Variants in FXYD5 observed in about 807,000 individuals in gnomAD.
FXYD5 encodes the protein FXYD domain containing ion transport regulator 5.
FXYD5 carries 21 observed loss-of-function variants against 25.7 expected under a neutral mutation model. The ratio of observed to expected loss-of-function variants is 0.82; its 90% CI spans 0.58 to 1.18. FXYD5 has a LOEUF of 1.18. FXYD5 is among the 50% of genes most tolerant of loss of function. The pLI, the probability that FXYD5 is intolerant of heterozygous loss-of-function variation, is 0.00. For synonymous variants in FXYD5, 101 were observed against 90.7 expected (o/e 1.11, Z -0.64); for missense variants, 229 against 227.7 (o/e 1.01, Z -0.04).
chr19:35,169,525 A>G, intron 8 of FXYD5, 41 bp from the exon 9 acceptor site: 2 of 1,470,734 alleles, frequency 1.4e-6, no homozygotes, highest in Non-Finnish European at 1.9e-6. Context: ...AAGAATCAAT[A>G]TCACTCTAGC....
At chr19:35,157,610 A>G (rs1383341368) in intron 3 of FXYD5, 109 bp downstream of exon 3, 1 of 646,048 alleles carries the variant, frequency 1.5e-6, no homozygotes, top group Non-Finnish European at 2.8e-6. Flanking sequence ...TGTAACGAAA[A>G]AGTCCAGGTA....
intron 7 of FXYD5, 22 bp from the exon 8 acceptor site, chr19:35,166,229 C>G: frequency 6.2e-7 from 1 of 1,609,394 alleles, no homozygotes; most frequent in South Asian, 1.1e-5. Flanking sequence ...CTGACTCTAC[C>G]CCTTCATTTT....
At chr19:35,166,047 G>A (rs375323030) in intron 6 of FXYD5, 95 bp from the exon 7 acceptor site, 1 of 1,153,874 alleles carries the variant, frequency 8.7e-7, no homozygotes. Context: ...TGTTCTAAGG[G>A]TACCCAGGTA....
At chr19:35,167,702 T>C (rs1248252965) in intron 8 of FXYD5, among the ~76,000 whole-genome samples, 1 of 152,240 alleles carries the variant, frequency 6.6e-6, no homozygotes, top group Non-Finnish European at 1.5e-5. Flanking sequence ...CATCTTTTTT[T>C]GCCTTAAGGG....
At chr19:35,161,654 A>G (rs1024911165) in intron 5 of FXYD5, among the ~76,000 whole-genome samples, 7 of 152,234 alleles carry the variant, frequency 4.6e-5, no homozygotes, top group Non-Finnish European at 1.0e-4. Flanking sequence ...ACCAAGAGTC[A>G]GGGAAGAGGG....
chr19:35,166,524 CAT>C (rs2145429320), intron 8 of FXYD5, 199 bp downstream of exon 8: 1 of 491,092 alleles, frequency 2.0e-6, no homozygotes, highest in South Asian at 3.8e-5. Flanking sequence ...AGTTTGGAAA[CAT>C]AGGCTGGGCT....
chr19:35,163,988 T>C, intron 5 of FXYD5, 168 bp from the exon 6 acceptor site: 1 of 1,481,650 alleles, frequency 6.7e-7, no homozygotes, highest in East Asian at 2.5e-5. Context: ...TCAATGCCTG[T>C]CATTACTTAT....
At chr19:35,166,495 A>G in intron 8 of FXYD5, 170 bp downstream of exon 8, 1 of 546,544 alleles carries the variant, frequency 1.8e-6, no homozygotes, top group Admixed American at 3.5e-5. Flanking sequence ...ATGACCATTT[A>G]TTGAGCTCTC....
chr19:35,159,241 T>C (rs1298429911), intron 4 of FXYD5, among the ~76,000 whole-genome samples: 5 of 152,148 alleles, frequency 3.3e-5, no homozygotes, highest in Non-Finnish European at 7.4e-5. Flanking sequence ...CTAAACCCCT[T>C]TGTCACCTCC....
intron 2 of FXYD5, among the ~76,000 whole-genome samples, chr19:35,157,131 G>T (rs1419474821): frequency 1.3e-5 from 2 of 152,204 alleles, no homozygotes; most frequent in African/African-American, 2.4e-5. Context: ...CAAGAAAGTT[G>T]TTGGGGGCAG....
intron 5 of FXYD5, 59 bp downstream of exon 5, chr19:35,160,860 C>A: frequency 1.0e-6 from 1 of 992,416 alleles, no homozygotes; most frequent in South Asian, 1.3e-5. Flanking sequence ...CTATCTAGGT[C>A]AACATTTCCC....
intron 5 of FXYD5, chr19:35,163,953 G>C: frequency 1.4e-6 from 2 of 1,448,808 alleles, no homozygotes; most frequent in Non-Finnish European, 1.8e-6. Context: ...AGTCGCAACC[G>C]GGGCTATGTG....
At position 35,157,442 on chromosome 19, in the gene FXYD5, C is replaced by G. The variant is rs750600377; in HGVS notation, c.83C>G (p.Thr28Arg). The G allele has an allele frequency of 5.0e-6, 8 of 1,595,278 alleles. No individual in the cohort carries two copies. The highest frequency in any genetic ancestry group is 3.3e-4 in the Middle Eastern group (2 of 6,022). Residue 28 changes from threonine to arginine, a missense_variant, in exon 3 of 9, where the codon ACG (threonine) becomes AGG (arginine). By Grantham distance (71) the Thr-to-Arg change is moderately conservative. Transcript: ENST00000392219. The part of the protein sequence containing the change: ...PTRGQTLKDT[T>R]SSSSADSTIM... ...CCAGGACAGACGTTGAAAGATACCA[C>G]GTCCAGTTCTTCAGCAGACTCAACT...
chr19:35,168,136 C>T (rs994311972), intron 8 of FXYD5, among the ~76,000 whole-genome samples: 2 of 151,584 alleles, frequency 1.3e-5, no homozygotes, highest in African/African-American at 4.8e-5. Context: ...AGAGCCTGAA[C>T]GTTAGCTCTG....
intron 4 of FXYD5, chr19:35,159,857 G>A: frequency 1.8e-6 from 1 of 568,382 alleles, no homozygotes; most frequent in African/African-American, 1.9e-5. Flanking sequence ...CAGAGCCTGT[G>A]CTTTTATCCA....
intron 8 of FXYD5, among the ~76,000 whole-genome samples, chr19:35,167,134 G>A (rs1385964486): frequency 6.6e-6 from 1 of 152,168 alleles, no homozygotes; most frequent in East Asian, 1.9e-4. Flanking sequence ...TGTTGATCAG[G>A]GTCATGGCAG....
intron 4 of FXYD5, chr19:35,159,683 A>G: frequency 6.6e-7 from 1 of 1,516,620 alleles, no homozygotes; most frequent in Non-Finnish European, 8.8e-7. Flanking sequence ...GGTTCTAAAT[A>G]TTTTGCGTAT....
At chr19:35,156,673 G>A (rs985343451) in intron 2 of FXYD5, among the ~76,000 whole-genome samples, 3 of 152,124 alleles carry the variant, frequency 2.0e-5, no homozygotes, top group African/African-American at 4.8e-5. Flanking sequence ...GATGAGAAGG[G>A]GCAGAGTGGG....
intron 6 of FXYD5, among the ~76,000 whole-genome samples, chr19:35,165,053 G>C (rs2065438782): frequency 6.6e-6 from 1 of 151,620 alleles, no homozygotes; most frequent in African/African-American, 2.4e-5. Context: ...CCAAAAATCT[G>C]AAGTCCAAAA....
Sources: allele counts gnomAD v4.1 joint callset (sites outside exome capture counted in the v4.1 genomes callset), GRCh38; gene constraint gnomAD v4.1.1; transcripts MANE v1.5; gene names NCBI Gene and HGNC (gene_info 2026-07-23, HGNC 2026-07-21).